Variants in LAMC3 observed in about 807,000 individuals in gnomAD.
LAMC3 encodes the protein laminin subunit gamma-3.
A neutral mutation model predicts 173.8 loss-of-function variants in LAMC3; 128 were observed. The ratio of observed to expected loss-of-function variants is 0.74; its 90% CI spans 0.64 to 0.85. The LOEUF is 0.85. Among genes scored for constraint, LAMC3 ranks in the 40% least tolerant of loss-of-function variants. The pLI is 0.00. For missense variants in LAMC3, 2,022 were observed against 2,156.0 expected, an observed-to-expected ratio of 0.94 and a Z score of 1.23; for synonymous variants, 897 against 909.1, an observed-to-expected ratio of 0.99 and a Z score of 0.24.
chr9:131,073,404 AC>A, intron 20 of LAMC3, 83 bp downstream of exon 20: 1 of 1,044,672 alleles, frequency 9.6e-7, no homozygotes, highest in Non-Finnish European at 1.5e-6. Flanking sequence ...AGGTGCCCCC[AC>A]CCAGAAGTTG....
intron 7 of LAMC3, among the ~76,000 whole-genome samples, chr9:131,042,719 A>G (rs1203642768): frequency 6.6e-6 from 1 of 151,876 alleles, no homozygotes; most frequent in Non-Finnish European, 1.5e-5. Context: ...TAGCCATGGC[A>G]GGCATCACTA....
intron 27 of LAMC3, among the ~76,000 whole-genome samples, chr9:131,088,943 G>A (rs1012044013): frequency 1.3e-5 from 2 of 152,034 alleles, no homozygotes; most frequent in African/African-American, 4.8e-5. Context: ...AAATTAGCCA[G>A]GCATGGTGGC....
intron 7 of LAMC3, among the ~76,000 whole-genome samples, chr9:131,044,156 A>G (rs1834106084): frequency 6.6e-6 from 1 of 151,160 alleles, no homozygotes; most frequent in Non-Finnish European, 1.5e-5. Context: ...ATGGGGTTTC[A>G]CCATGTTGGT....
intron 18 of LAMC3, among the ~76,000 whole-genome samples, chr9:131,072,140 C>CAGGGAGGGAGGGAGGGAGGG (rs111545763): frequency 1.4e-5 from 2 of 140,848 alleles, no homozygotes; most frequent in African/African-American, 5.4e-5. Flanking sequence ...TGAATGGAAG[C>CAGGGAGGGAGGGAGGGAGGG]AGGGAGGGAG....
At chr9:131,090,512 C>T (rs983514444) in intron 27 of LAMC3, among the ~76,000 whole-genome samples, 1 of 152,254 alleles carries the variant, frequency 6.6e-6, no homozygotes, top group African/African-American at 2.4e-5. Flanking sequence ...CTCTTGCACA[C>T]TGGCTCAGTG....
intron 11 of LAMC3, among the ~76,000 whole-genome samples, chr9:131,055,456 G>A (rs532660466): frequency 9.6e-6 from 1 of 103,982 alleles, no homozygotes; most frequent in East Asian, 2.9e-4. Flanking sequence ...ACGGAGTCTT[G>A]CTCTGTCACC....
intron 11 of LAMC3, 98 bp from the exon 12 acceptor site, chr9:131,056,831 C>T (rs1026281081): frequency 2.0e-5 from 17 of 871,074 alleles, no homozygotes; most frequent in Middle Eastern, 3.1e-4. Flanking sequence ...CCTTTATATA[C>T]GTGGGCCTGG....
At chr9:131,068,704 T>C (rs1829986641) in intron 15 of LAMC3, among the ~76,000 whole-genome samples, 1 of 152,144 alleles carries the variant, frequency 6.6e-6, no homozygotes, top group Non-Finnish European at 1.5e-5. Context: ...CATAGCCTTA[T>C]TTTATCTTCT....
rs771746595 is a variant in LAMC3 at position 131,073,271 on chromosome 9, G to A, written c.3444G>A (p.Gln1148=). The part of the protein sequence containing the change: ...SLEIPQEGPS[Q]PTKWSHLATE... Reference sequence around the variant, plus strand: ...AGATTCCTCAGGAAGGTCCCAGTCAGCCGACCAAATGGAGCCACCTGGCCA... The same window carrying A: ...AGATTCCTCAGGAAGGTCCCAGTCAACCGACCAAATGGAGCCACCTGGCCA... The change falls in exon 20 of 28, where the codon CAG becomes CAA. Residue 1148 remains glutamine (Q), a synonymous_variant. Transcript: ENST00000361069. The A allele has an allele frequency of 1.2e-6, 2 of 1,613,668 alleles. No individual in the cohort carries two copies. The highest frequency in any genetic ancestry group is 8.5e-7 in the Non-Finnish European group (1 of 1,179,958).
In LAMC3 at chr9:131,025,178, G is replaced by A. The variant is rs576900787; in HGVS notation, c.374-1107G>A. Among the ~76,000 whole-genome samples, 4 of 152,236 alleles carry A rather than the reference G, an allele frequency of 2.6e-5. No individual in the cohort carries two copies. In the East Asian group the frequency reaches 5.8e-4, roughly 22 times the overall value. ...ACCCCAGGCTCCCTCTCCGCCCGGC[G>A]CTCTCTGAGCCATTTCTGTTCCCTG... On this transcript the variant is annotated intron_variant, in intron 1 of 27. Transcript: ENST00000361069.
rs1293413275 is a variant in LAMC3, at chr9:131,071,638, CGCAGAGCGGGAGG to C, written c.3211+15_3211+27del. On this transcript the variant is annotated intron_variant, in intron 18 of 27. Coordinates refer to ENST00000361069, the MANE Select transcript of LAMC3 (RefSeq NM_006059.4). ...CACCTGCTTCCAGGTACAGCAGGAG[CGCAGAGCGGGAGG>C]GTGGGAGGCAAGGGGAGGCCCCCAG... The C allele has an allele frequency of 3.9e-6, 6 of 1,558,318 alleles. No individual in the cohort carries two copies. The highest frequency in any genetic ancestry group is 5.2e-6 in the Non-Finnish European group (6 of 1,148,738).
chr9:131,050,569 C>G (rs1170804282), intron 9 of LAMC3, among the ~76,000 whole-genome samples: 1 of 152,062 alleles, frequency 6.6e-6, no homozygotes, highest in African/African-American at 2.4e-5. Context: ...AGTTCAAGAC[C>G]AGCCTGACCA....
chr9:131,071,537 C>T lies in LAMC3; in HGVS notation c.3123C>T (p.Ser1041=), dbSNP rs370140731. The T allele has an allele frequency of 2.7e-4, 435 of 1,613,534 alleles. No homozygotes were observed. The highest frequency in any genetic ancestry group is 1.3e-3 in the Middle Eastern group (8 of 6,082). Residue 1041 remains serine (S), a synonymous_variant, in exon 18 of 28, where the codon TCC becomes TCT. Coordinates refer to ENST00000361069, the MANE Select transcript of LAMC3 (RefSeq NM_006059.4). ...TGACGGAGGGGTGGCTCCAAGGGTCCGACTGTGGCAGTCCCTGGGGACCAC... is the reference window on the plus strand; with the variant it reads ...TGACGGAGGGGTGGCTCCAAGGGTCTGACTGTGGCAGTCCCTGGGGACCAC... ...LTLTEGWLQG[S]DCGSPWGPLD... is the part of the protein sequence containing the mutation.
chr9:131,039,116 C>T lies in LAMC3; in HGVS notation c.1166-15C>T, dbSNP rs921976962. The stretch of plus-strand genomic sequence containing the variant: ...CTTTCCTGGCCTCAATTGCCCTGTG[C>T]CCTTCCTCTCCCAGGCTCCCTACAC... On this transcript the variant is annotated splice_polypyrimidine_tract_variant and intron_variant, in intron 5 of 27. Transcript: ENST00000361069. 3 of 1,611,526 alleles carry T rather than the reference C, an allele frequency of 1.9e-6. No individual in the cohort carries two copies. Among genetic ancestry groups the T allele is most frequent in the Non-Finnish European group, 1.7e-6 (2 of 1,179,876 alleles).
Position 131,052,549 on chromosome 9 carries a change from G to A in LAMC3, c.1689G>A (p.Arg563=), listed in dbSNP as rs1390921844. ...GGCAGCCCCTCATACTGACCTTCCG[G>A]GTGCCCCCCGGGGACTCCCCACTCC... is the stretch of plus-strand genomic sequence containing the variant. ...SYGQPLILTF[R]VPPGDSPLPV... is the part of the protein sequence containing the mutation. Residue 563 remains arginine (R), a synonymous_variant, in exon 10 of 28, where the codon CGG becomes CGA. Coordinates refer to ENST00000361069, the MANE Select transcript of LAMC3 (RefSeq NM_006059.4). The A allele has an allele frequency of 1.2e-6, 2 of 1,614,154 alleles. No individual in the cohort carries two copies. Among genetic ancestry groups the A allele is most frequent in the Admixed American group, 1.7e-5 (1 of 60,024 alleles).
At chr9:131,012,406 C>G (rs936727441) in intron 1 of LAMC3, among the ~76,000 whole-genome samples, 1 of 152,200 alleles carries the variant, frequency 6.6e-6, no homozygotes, top group Non-Finnish European at 1.5e-5. Flanking sequence ...TTCATGAGCC[C>G]GGGTCGGAGC....
intron 20 of LAMC3, 102 bp from the exon 21 acceptor site, chr9:131,075,729 G>A (rs760859173): frequency 1.1e-4 from 145 of 1,332,652 alleles, no homozygotes; most frequent in Non-Finnish European, 1.3e-4. Context: ...GCTGTCCTCT[G>A]TTAGGGGCAG....
At chr9:131,013,312 G>A (rs1438499238) in intron 1 of LAMC3, among the ~76,000 whole-genome samples, 1 of 152,174 alleles carries the variant, frequency 6.6e-6, no homozygotes, top group Non-Finnish European at 1.5e-5. Flanking sequence ...AGTATGGGCT[G>A]TGGCTTTCGG....
rs752191982 is a variant in LAMC3 at position 131,077,271 on chromosome 9, C to T, written c.3714C>T (p.Thr1238=). Residue 1238 remains threonine, a synonymous_variant, in exon 22 of 28, where the codon ACC becomes ACT. Coordinates refer to ENST00000361069, the MANE Select transcript of LAMC3 (RefSeq NM_006059.4). ...VLPEAESVLA[T]VQQVGADTAP... ...CTGAAGCGGAAAGCGTGTTGGCCAC[C>T]GTGCAGCAAGTTGGCGCAGATACAG... is the stretch of plus-strand genomic sequence containing the variant. 21 of 1,613,922 alleles carry T rather than the reference C, an allele frequency of 1.3e-5. No homozygotes were observed. The highest frequency in any genetic ancestry group is 7.7e-5 in the South Asian group (7 of 91,088).
Sources: gnomAD v4.1 joint callset for allele counts (sites outside exome capture counted in the v4.1 genomes callset) on GRCh38, gnomAD v4.1.1 for gene constraint, MANE v1.5 for transcripts, NCBI Gene and HGNC (gene_info 2026-07-23, HGNC 2026-07-21) for gene names.